PHC3: variants seen among roughly 807,000 people sequenced by gnomAD.
The protein encoded by PHC3 is polyhomeotic-like protein 3.
A neutral mutation model predicts 107.4 loss-of-function variants in PHC3; 13 were observed. That is an observed-to-expected ratio of 0.12 (90% CI 0.08 to 0.19). PHC3 has a LOEUF of 0.19. PHC3 is among the 10% of genes least tolerant of loss of function. The probability of loss-of-function intolerance (pLI) is 1.00; values close to 1 mark genes in which losing one functional copy is unlikely to be tolerated. For synonymous variants in PHC3, 456 were observed against 427.4 expected, an observed-to-expected ratio of 1.07 and a Z score of -0.83; for missense variants, 992 against 1,210.9, an observed-to-expected ratio of 0.82 and a Z score of 2.68.
chr3:170,102,213 C>T (rs553278653), intron 14 of PHC3: 1 of 985,366 alleles, frequency 1.0e-6, no homozygotes, highest in Non-Finnish European at 1.2e-6. Context: ...GAAGAAAGCA[C>T]CTTTAATATC....
chr3:170,160,023 T>C (rs571862790), intron 4 of PHC3, among the ~76,000 whole-genome samples: 7 of 152,316 alleles, frequency 4.6e-5, no homozygotes, highest in African/African-American at 1.7e-4. Flanking sequence ...ACAAAATTCT[T>C]ATCATACTGT....
intron 1 of PHC3, among the ~76,000 whole-genome samples, 185 bp downstream of exon 1, chr3:170,181,517 G>C (rs1324879592): frequency 6.6e-6 from 1 of 152,124 alleles, no homozygotes; most frequent in Non-Finnish European, 1.5e-5. Flanking sequence ...AGGGTAACTG[G>C]ACCCTAGAGT....
At chr3:170,166,518 CA>C (rs1257095002) in intron 4 of PHC3, among the ~76,000 whole-genome samples, 4 of 152,096 alleles carry the variant, frequency 2.6e-5, no homozygotes, top group African/African-American at 9.7e-5. Context: ...AATTAACTAT[CA>C]TTTTTTTAAC....
In PHC3 at chr3:170,125,968, A is replaced by G. The variant is rs1296469710; in HGVS notation, c.1788+2716T>C. On this transcript the variant is annotated intron_variant, in intron 8 of 14. Coordinates refer to ENST00000495893, the MANE Select transcript of PHC3 (RefSeq NM_024947.4). ...CAAAGACTGCCAAACTTACCTCAAT[A>G]AAGTCCAATATTCCCATCTGTTTCC... 6.1e-6 allele frequency: 6 copies of G among 979,774 alleles called. No individual in the cohort carries two copies. In the African/African-American group the frequency reaches 7.0e-5, roughly 11 times the overall value. The allele number at this position is 979,774 out of a possible 1,614,324, so 60.7% of individuals were successfully genotyped here. A position where few individuals can be genotyped will look rare whatever the true frequency, so the allele number is the denominator to read the frequency against.
chr3:170,102,873 G>T lies in PHC3; in HGVS notation c.2530C>A (p.Gln844Lys), dbSNP rs1313622135. The change falls in exon 13 of 15, where the codon CAA becomes AAA. Residue 844 changes from glutamine (Q) to lysine (K), a missense_variant. By Grantham distance (53) the Gln-to-Lys change is moderately conservative. Around this residue, in one of 6 missense-constraint regions of PHC3, gnomAD observed 228 missense variants for 288.8 expected, o/e 0.79. Transcript: ENST00000495893. ...LSRWNRKPDN[Q>K]SLGHRGRRPS... is the part of the protein sequence containing the mutation. Reference sequence around the variant, plus strand: ...CGACGGCCACGATGCCCAAGACTTTGATTATCAGGCTTACGATTCCAACGA... The same window carrying T: ...CGACGGCCACGATGCCCAAGACTTTTATTATCAGGCTTACGATTCCAACGA... 6.2e-7 allele frequency: 1 copy of T among 1,613,780 alleles called. No individual in the cohort carries two copies. The highest frequency in any genetic ancestry group is 1.7e-5 in the Admixed American group (1 of 59,994).
intron 14 of PHC3, among the ~76,000 whole-genome samples, chr3:170,101,299 A>AT (rs1218856234): frequency 1.3e-5 from 2 of 152,214 alleles, no homozygotes; most frequent in African/African-American, 2.4e-5. Flanking sequence ...TGATAAACTA[A>AT]TTTAACAAAA....
Position 170,098,682 on chromosome 3 carries a change from GC to G in PHC3, c.2834-1299del, listed in dbSNP as rs544447951. Among the ~76,000 whole-genome samples, 214 of 152,248 alleles carry G rather than the reference GC, an allele frequency of 1.4e-3. 2 individuals are homozygous for G. The highest frequency in any genetic ancestry group is 4.8e-3 in the African/African-American group (200 of 41,548). On this transcript the variant is annotated intron_variant, in intron 14 of 14. Transcript: ENST00000495893. ...ATACAAACATTTTTTCCTGTGTACA[GC>G]TGTGTGTCCATTTTTTCTCTTGCTT...
chr3:170,135,029 A>AT (rs1722843171), intron 7 of PHC3, among the ~76,000 whole-genome samples: 1 of 152,230 alleles, frequency 6.6e-6, no homozygotes, highest in Admixed American at 6.5e-5. Context: ...TAAGTGGAAT[A>AT]TTTTACACTT....
At chr3:170,135,475 T>C (rs1577105348) in intron 7 of PHC3, among the ~76,000 whole-genome samples, 2 of 151,448 alleles carry the variant, frequency 1.3e-5, no homozygotes, top group East Asian at 1.9e-4. Flanking sequence ...AATGAAACAT[T>C]TGTAAGGTGT....
intron 8 of PHC3, 191 bp downstream of exon 8, chr3:170,128,493 A>T: frequency 1.1e-5 from 12 of 1,136,422 alleles, no homozygotes; most frequent in Non-Finnish European, 1.2e-5. Context: ...TAAAGCATGC[A>T]ACCACACTAA....
chr3:170,111,329 C>CGAACGAAT (rs1560033514), intron 11 of PHC3, among the ~76,000 whole-genome samples: 2 of 91,386 alleles, frequency 2.2e-5, no homozygotes, highest in Admixed American at 2.8e-4. Flanking sequence ...AACGAACGAA[C>CGAACGAAT]GAAAGAACAA....
intron 7 of PHC3, among the ~76,000 whole-genome samples, chr3:170,132,815 A>G (rs1232097512): frequency 6.6e-6 from 1 of 152,174 alleles, no homozygotes; most frequent in Non-Finnish European, 1.5e-5. Context: ...AACAGTATAT[A>G]TTTTTTCCAA....
chr3:170,117,845 A>C (rs61272145), intron 9 of PHC3, among the ~76,000 whole-genome samples: 1 of 125,506 alleles, frequency 8.0e-6, no homozygotes, highest in East Asian at 2.1e-4. Flanking sequence ...AAAAAAAACC[A>C]AAAAAAAAAA....
rs548115476 is a variant in PHC3, at chr3:170,091,593, A to T, written c.*5637T>A. On this transcript the variant is annotated 3_prime_UTR_variant, in exon 15 of 15. Transcript: ENST00000495893. ...ACATTTCCCAAATGTTCCCATAAAC[A>T]TGACACTTGGAAGGGGTGTGTGCAT... The T allele has an allele frequency of 2.0e-5, 3 of 152,290 alleles. No individual in the cohort carries two copies. The South Asian group carries it at 6.2e-4, about 32-fold the overall frequency. 9.4% of individuals were successfully genotyped at this position (152,290 alleles called of 1,614,324 possible).
chr3:170,099,147 A>G (rs1715050140), intron 14 of PHC3, among the ~76,000 whole-genome samples: 1 of 152,234 alleles, frequency 6.6e-6, no homozygotes, highest in African/African-American at 2.4e-5. Context: ...TACATTTGGG[A>G]ATAGAAACAA....
At position 170,113,523 on chromosome 3, in the gene PHC3, T is replaced by TA. The variant is rs1162419706; in HGVS notation, c.2194-5dup. ...TTAGCAAAGAGGAACGACTCACCTTTAAAAAAGGAGAAATAATAAAATGAA... is the reference window on the plus strand; with the variant it reads ...TTAGCAAAGAGGAACGACTCACCTTTAAAAAAAGGAGAAATAATAAAATGAA... On this transcript the variant is annotated splice_polypyrimidine_tract_variant and splice_region_variant and intron_variant, in intron 10 of 14. Transcript: ENST00000495893. 4 of 1,580,750 alleles carry TA rather than the reference T, an allele frequency of 2.5e-6. No individual in the cohort carries two copies. In the East Asian group the frequency reaches 6.7e-5, roughly 27 times the overall value.
intron 9 of PHC3, among the ~76,000 whole-genome samples, chr3:170,120,571 T>G (rs1720067899): frequency 6.7e-6 from 1 of 150,092 alleles, no homozygotes; most frequent in Admixed American, 6.6e-5. Flanking sequence ...AGACTCCATC[T>G]CAAAAAAAAA....
At chr3:170,151,515 A>G (rs765367619) in intron 4 of PHC3, among the ~76,000 whole-genome samples, 1 of 152,184 alleles carries the variant, frequency 6.6e-6, no homozygotes, top group Non-Finnish European at 1.5e-5. Flanking sequence ...TCAAAGCCAG[A>G]GAGATGTCAC....
rs564825711 is a variant in PHC3 at position 170,136,607 on chromosome 3, C to A, written c.731G>T (p.Gly244Val). 6.2e-7 allele frequency: 1 copy of A among 1,613,592 alleles called. No individual in the cohort carries two copies. The highest frequency in any genetic ancestry group is 1.3e-5 in the African/African-American group (1 of 75,004). Residue 244 changes from glycine (G) to valine (V), a missense_variant, in exon 7 of 15, where the codon GGT (glycine) becomes GTT (valine). By Grantham distance (109) the Gly-to-Val change is moderately radical. Around this residue, in one of 6 missense-constraint regions of PHC3, gnomAD observed 543 missense variants for 590.8 expected, o/e 0.92. Coordinates refer to ENST00000495893, the MANE Select transcript of PHC3 (RefSeq NM_024947.4). ...KLGVLSSSQN[G>V]PPKSTSQTQS... is the part of the protein sequence containing the mutation. ...AGTTTGACTAGTGCTTTTTGGTGGA[C>A]CATTCTGTGAGCTAGATAATACACC...
Sources: allele counts gnomAD v4.1 joint callset (sites outside exome capture counted in the v4.1 genomes callset), GRCh38; gene constraint gnomAD v4.1.1; regional missense constraint gnomAD v4.1.1; transcripts MANE v1.5; gene names NCBI Gene and HGNC (gene_info 2026-07-23, HGNC 2026-07-21).